Variants in BBS9 observed in about 807,000 individuals in gnomAD.
BBS9 encodes the protein Bardet-Biedl syndrome 9, also known as protein PTHB1.
Under a neutral mutation model 117.7 loss-of-function variants are expected in BBS9, and 89 were observed. The ratio of observed to expected loss-of-function variants is 0.76; its 90% CI spans 0.64 to 0.90. The LOEUF is 0.90. BBS9 is among the 40% of genes least tolerant of loss of function. The pLI is 0.00. For missense variants in BBS9, 982 were observed against 1,042.2 expected (o/e 0.94, Z 0.80); for synonymous variants, 379 against 370.9 (o/e 1.02, Z -0.25).
intron 2 of BBS9, among the ~76,000 whole-genome samples, chr7:33,151,984 A>G (rs1329419136): frequency 6.6e-6 from 1 of 151,420 alleles, no homozygotes; most frequent in East Asian, 1.9e-4. Context: ...CAGCCTCCCA[A>G]GTAGCTGGGA....
intron 9 of BBS9, among the ~76,000 whole-genome samples, chr7:33,311,939 C>T (rs1809339434): frequency 6.6e-6 from 1 of 152,086 alleles, no homozygotes; most frequent in South Asian, 2.1e-4. Flanking sequence ...ACCTGCTTTC[C>T]CCCATATGGC....
In BBS9 at chr7:33,466,198, G is replaced by T. The variant is rs373692263; in HGVS notation, c.2116-39265G>T. ...TCAACTCTCTTAGCAAATTTCAAGC[G>T]TACAATACAGTATTATTAACTATAG... On this transcript the variant is annotated intron_variant, in intron 19 of 22. Transcript: ENST00000242067. Among the ~76,000 whole-genome samples the T allele has an allele frequency of 2.6e-5, 4 of 152,130 alleles. No individual in the cohort carries two copies. The East Asian group carries it at 7.7e-4, about 29-fold the overall frequency.
chr7:33,264,426 C>T, intron 7 of BBS9, 52 bp downstream of exon 7: 1 of 1,035,678 alleles, frequency 9.7e-7, no homozygotes, highest in Non-Finnish European at 1.4e-6. Flanking sequence ...TATCTAATCA[C>T]ATATGTTTGT....
chr7:33,334,400 C>G (rs77837594), intron 9 of BBS9, among the ~76,000 whole-genome samples: 61 of 152,210 alleles, frequency 4.0e-4, no homozygotes, highest in African/African-American at 1.3e-3. Context: ...GAAGCCCCCC[C>G]CAGAGGTCTG....
At chr7:33,426,030 A>C (rs1235750830) in intron 19 of BBS9, among the ~76,000 whole-genome samples, 1 of 151,826 alleles carries the variant, frequency 6.6e-6, no homozygotes, top group Non-Finnish European at 1.5e-5. Context: ...ATAAACCAAG[A>C]AGTTTATAAG....
At position 33,383,288 on chromosome 7, in the gene BBS9, A is replaced by G. The variant is rs543149311; in HGVS notation, c.1790-378A>G. Among the ~76,000 whole-genome samples, 15 of 152,314 alleles carry G rather than the reference A, an allele frequency of 9.8e-5. No individual in the cohort carries two copies. In the South Asian group the frequency reaches 2.7e-3, roughly 27 times the overall value. ...TATATAGAATCAATTTTACTTCAGT[A>G]TTTTGAAATGATACTAATGATAACA... On this transcript the variant is annotated intron_variant, in intron 17 of 22. Transcript: ENST00000242067.
Position 33,505,462 on chromosome 7 carries a change from G to A in BBS9, c.2116-1G>A. On this transcript the variant is annotated splice_acceptor_variant, in intron 19 of 22. Transcript: ENST00000242067. LOFTEE classifies it high-confidence loss of function. ...CTAACCGAAGTTTGTAATATCTGCA[G>A]GTAATTGCTCTAGCAGATGCAGTGG... 6.2e-7 allele frequency: 1 copy of A among 1,613,982 alleles called. No individual in the cohort carries two copies. The highest frequency in any genetic ancestry group is 8.5e-7 in the Non-Finnish European group (1 of 1,179,862).
In BBS9 at chr7:33,215,150, G is replaced by A. The variant is rs1046428066; in HGVS notation, c.442+37559G>A. Among the ~76,000 whole-genome samples the A allele has an allele frequency of 9.9e-5, 15 of 152,246 alleles. No homozygotes were observed. In the South Asian group the frequency reaches 1.0e-3, roughly 11 times the overall value. Reference sequence around the variant, plus strand: ...GAGCTTGCAGTGAGCTGAGTGCAGTGCCACTGCACTCCAGCCTGGGCAACA... The same window carrying A: ...GAGCTTGCAGTGAGCTGAGTGCAGTACCACTGCACTCCAGCCTGGGCAACA... On this transcript the variant is annotated intron_variant, in intron 5 of 22. Coordinates refer to ENST00000242067, the MANE Select transcript of BBS9 (RefSeq NM_198428.3).
intron 20 of BBS9, among the ~76,000 whole-genome samples, chr7:33,523,264 GT>G (rs1563299740): frequency 6.8e-6 from 1 of 146,930 alleles, no homozygotes; most frequent in Non-Finnish European, 1.5e-5. Context: ...CTTTAAAGTA[GT>G]TTTTTCCAAT....
intron 4 of BBS9, among the ~76,000 whole-genome samples, chr7:33,161,356 T>TGAGA (rs1238875150): frequency 6.6e-6 from 1 of 152,028 alleles, no homozygotes; most frequent in Non-Finnish European, 1.5e-5. Context: ...CACCTATGAG[T>TGAGA]GAGAACATGC....
chr7:33,603,085 G>A (rs911275145), intron 21 of BBS9, among the ~76,000 whole-genome samples: 3 of 152,136 alleles, frequency 2.0e-5, no homozygotes, highest in Non-Finnish European at 4.4e-5. Context: ...CAAGCACATG[G>A]CAGCTGTCTT....
At chr7:33,407,395 C>T (rs1025115022) in intron 19 of BBS9, among the ~76,000 whole-genome samples, 9 of 152,010 alleles carry the variant, frequency 5.9e-5, no homozygotes, top group African/African-American at 9.7e-5. Context: ...TCCTGTAGCT[C>T]GGAGTAGTTT....
chr7:33,183,221 C>A (rs1189702747), intron 5 of BBS9, among the ~76,000 whole-genome samples: 1 of 152,066 alleles, frequency 6.6e-6, no homozygotes, highest in Non-Finnish European at 1.5e-5. Context: ...ATGGAGTCTG[C>A]AGCACCTCCT....
intron 21 of BBS9, among the ~76,000 whole-genome samples, chr7:33,576,157 C>G (rs1385786698): frequency 6.6e-6 from 1 of 152,184 alleles, no homozygotes. Context: ...TTAGGAAACC[C>G]TGTCATCTCA....
intron 19 of BBS9, among the ~76,000 whole-genome samples, chr7:33,397,224 G>A (rs2392232): frequency 0.42 from 63,415 of 152,004 alleles, 13,405 homozygotes; most frequent in East Asian, 0.47. Flanking sequence ...AAAAAGCTCG[G>A]CATCACTGAT....
chr7:33,370,479 AG>A (rs1157134297), intron 17 of BBS9, among the ~76,000 whole-genome samples: 1 of 152,120 alleles, frequency 6.6e-6, no homozygotes, highest in Non-Finnish European at 1.5e-5. Context: ...CAAAAAAAAA[AG>A]TAGTGCTTAA....
intron 21 of BBS9, among the ~76,000 whole-genome samples, chr7:33,630,280 T>C (rs2700697): frequency 0.54 from 81,442 of 152,056 alleles, 26,996 homozygotes; most frequent in Non-Finnish European, 0.75. Flanking sequence ...TTATTTCAAA[T>C]TGAAACAGAA....
intron 19 of BBS9, among the ~76,000 whole-genome samples, chr7:33,502,495 GA>G (rs1382871438): frequency 6.6e-6 from 1 of 152,160 alleles, no homozygotes; most frequent in African/African-American, 2.4e-5. Context: ...AGGAAGTAAT[GA>G]ATGTTGAGTA....
chr7:33,426,756 G>A (rs1260969799), intron 19 of BBS9, among the ~76,000 whole-genome samples: 4 of 152,128 alleles, frequency 2.6e-5, no homozygotes, highest in Admixed American at 6.5e-5. Flanking sequence ...GTCAGGGAGA[G>A]AGGATTGGAG....
Sources: allele counts gnomAD v4.1 joint callset (sites outside exome capture counted in the v4.1 genomes callset), GRCh38; gene constraint gnomAD v4.1.1; transcripts MANE v1.5; gene names NCBI Gene and HGNC (gene_info 2026-07-23, HGNC 2026-07-21).